SNX32: variants seen among roughly 807,000 people sequenced by gnomAD.
SNX32 encodes sorting nexin-32.
In SNX32, 58 loss-of-function variants were observed where a neutral mutation model predicts 57.0. The ratio of observed to expected loss-of-function variants is 1.02; its 90% confidence interval spans 0.82 to 1.27. The LOEUF (loss-of-function observed/expected upper bound fraction) is 1.27, where lower values mean the gene tolerates loss of function less well. Among genes scored for constraint, SNX32 ranks in the 50% most tolerant of loss-of-function variants. SNX32 has a pLI of 0.00. For synonymous variants in SNX32, 262 were observed against 220.4 expected, an observed-to-expected ratio of 1.19 and a Z score of -1.67; for missense variants, 589 against 541.2, an observed-to-expected ratio of 1.09 and a Z score of -0.88.
At chr11:65,839,625 T>C (rs1473163023) in intron 1 of SNX32, among the ~76,000 whole-genome samples, 1 of 128,332 alleles carries the variant, frequency 7.8e-6, no homozygotes, top group Non-Finnish European at 1.7e-5. Context: ...GATTATAGCA[T>C]GAGCCACCGC....
At chr11:65,839,217 TTTTTTGTA>T (rs1320334464) in intron 1 of SNX32, among the ~76,000 whole-genome samples, 7 of 18,876 alleles carry the variant, frequency 3.7e-4, no homozygotes, top group Middle Eastern at 0.019. Context: ...CCCAGCTAAT[TTTTTTGTA>T]TTTTTTTTTT....
intron 1 of SNX32, among the ~76,000 whole-genome samples, chr11:65,841,411 AT>A (rs1484889459): frequency 6.6e-6 from 1 of 151,508 alleles, no homozygotes; most frequent in African/African-American, 2.4e-5. Flanking sequence ...TAATTTTTGT[AT>A]TTTTTTGTAG....
rs1319366186 is a variant in SNX32 at position 65,851,057 on chromosome 11, G to A, written c.606G>A (p.Glu202=). 6.2e-7 allele frequency: 1 copy of A among 1,613,616 alleles called. No homozygotes were observed. The highest frequency in any genetic ancestry group is 1.7e-5 in the Admixed American group (1 of 60,028). The change falls in exon 7 of 13, where the codon GAG becomes GAA. Residue 202 remains glutamate (E), a splice_region_variant and synonymous_variant. Coordinates refer to ENST00000308342, the MANE Select transcript of SNX32 (RefSeq NM_152760.3). ...ALITGMSGLK[E]VDDFFEHERT... is the part of the protein sequence containing the mutation. ...GGGGTCCTGCCTGGCTCCCTTAGGAGGTGGATGACTTCTTTGAGCATGAGA... is the reference window on the plus strand; with the variant it reads ...GGGGTCCTGCCTGGCTCCCTTAGGAAGTGGATGACTTCTTTGAGCATGAGA...
chr11:65,850,597 T>A (rs1386135010), intron 5 of SNX32, 43 bp downstream of exon 5: 2 of 1,572,402 alleles, frequency 1.3e-6, no homozygotes, highest in African/African-American at 2.7e-5. Context: ...GGGCCAGGAG[T>A]CTACCTTGGG....
At chr11:65,834,644 ATCTGTGTGTGTC>A (rs1858608457) in intron 1 of SNX32, among the ~76,000 whole-genome samples, 1 of 140,526 alleles carries the variant, frequency 7.1e-6, no homozygotes, top group Non-Finnish European at 1.5e-5. Flanking sequence ...GCATGTATGC[ATCTGTGTGTGTC>A]TCTGTGTGTA....
At chr11:65,844,089 C>A (rs1213803205) in intron 1 of SNX32, among the ~76,000 whole-genome samples, 1 of 152,032 alleles carries the variant, frequency 6.6e-6, no homozygotes, top group East Asian at 1.9e-4. Flanking sequence ...GGTTTGTGCC[C>A]AGACTGATCT....
chr11:65,852,500 G>A lies in SNX32; in HGVS notation c.861G>A (p.Leu287=). Residue 287 remains leucine, a synonymous_variant, in exon 10 of 13, where the codon CTG becomes CTA. Transcript: ENST00000308342. ...GCCGGGTGGCTTCCGATGAGGACCT[G>A]AAGCTGTCAGACATGCTGAGGTACT... ...LEGRVASDED[L]KLSDMLRYYM... 6.2e-7 allele frequency: 1 copy of A among 1,614,246 alleles called. No homozygotes were observed. The highest frequency in any genetic ancestry group is 1.1e-5 in the South Asian group (1 of 91,088).
intron 1 of SNX32, among the ~76,000 whole-genome samples, chr11:65,848,012 A>T (rs951041577): frequency 5.3e-5 from 8 of 152,196 alleles, no homozygotes; most frequent in African/African-American, 1.9e-4. Context: ...AGGAGGGGAC[A>T]GATGCAGGGA....
In SNX32 at chr11:65,851,353, C is replaced by G. The variant is rs754175699; in HGVS notation, c.735C>G (p.Ile245Met). 1.9e-6 allele frequency: 3 copies of G among 1,614,164 alleles called. No homozygotes were observed. The highest frequency in any genetic ancestry group is 1.1e-5 in the South Asian group (1 of 91,082). The part of the protein sequence containing the change: ...HKCLADDYIP[I>M]SAALSSLGTQ... ...GCCTGGCAGACGATTATATCCCTATCTCAGCTGCGCTGAGCAGTCTGGGAA... is the reference window on the plus strand; with the variant it reads ...GCCTGGCAGACGATTATATCCCTATGTCAGCTGCGCTGAGCAGTCTGGGAA... The change falls in exon 8 of 13, where the codon ATC becomes ATG. Residue 245 changes from isoleucine to methionine, a missense_variant. Coordinates refer to ENST00000308342, the MANE Select transcript of SNX32 (RefSeq NM_152760.3).
intron 1 of SNX32, 82 bp from the exon 2 acceptor site, chr11:65,849,396 C>A (rs1214921845): frequency 9.7e-7 from 1 of 1,030,934 alleles, no homozygotes. Context: ...GAGGGTTCTG[C>A]AGGTGGATCA....
rs189344094 is a variant in SNX32 at position 65,851,024 on chromosome 11, G to C, written c.604-31G>C. On this transcript the variant is annotated intron_variant, in intron 6 of 12. Transcript: ENST00000308342. ...TGTTGTCAAGCCCCGTGGTGACCCA[G>C]TGTAAATGGGGTCCTGCCTGGCTCC... 4.1e-5 allele frequency: 66 copies of C among 1,591,282 alleles called. 1 individual carries two copies. The African/African-American group carries it at 7.1e-4, about 17-fold the overall frequency.
intron 1 of SNX32, among the ~76,000 whole-genome samples, chr11:65,841,260 G>A (rs1431692357): frequency 6.7e-6 from 1 of 148,362 alleles, no homozygotes; most frequent in East Asian, 2.0e-4. Flanking sequence ...ACAGTGTCCT[G>A]CACTGTCATC....
At position 65,849,568 on chromosome 11, in the gene SNX32, A is replaced by C; in HGVS notation, c.127A>C (p.Thr43Pro). ...GAGTGAGCGGGACAAGGTGAAATTC[A>C]CTGTTCAAACAAAGGTGAGGCAGTG... ...AVSERDKVKF[T>P]VQTKSCLPHF... The change falls in exon 2 of 13, where the codon ACT (threonine) becomes CCT (proline). Residue 43 changes from threonine (T) to proline (P), a missense_variant. Coordinates refer to ENST00000308342, the MANE Select transcript of SNX32 (RefSeq NM_152760.3). The C allele has an allele frequency of 6.2e-7, 1 of 1,614,166 alleles. No homozygotes were observed. The highest frequency in any genetic ancestry group is 8.5e-7 in the Non-Finnish European group (1 of 1,180,006).
chr11:65,840,803 C>CAAA (rs11375479), intron 1 of SNX32, among the ~76,000 whole-genome samples: 2 of 132,200 alleles, frequency 1.5e-5, no homozygotes, highest in Admixed American at 7.7e-5. Context: ...GACCCTGTCT[C>CAAA]AAAAAAAAAA....
chr11:65,850,761 G>C lies in SNX32; in HGVS notation c.509G>C (p.Arg170Pro), dbSNP rs150683093. The C allele has an allele frequency of 1.1e-5, 17 of 1,613,776 alleles. No individual in the cohort carries two copies. The highest frequency in any genetic ancestry group is 1.7e-5 in the Admixed American group (1 of 60,002). ...CCCTGTGTGCCTCAGCTGAGTGTCCGGGGGAAGAACAGGAAGGAGCTCCTC... is the reference window on the plus strand; with the variant it reads ...CCCTGTGTGCCTCAGCTGAGTGTCCCGGGGAAGAACAGGAAGGAGCTCCTC... ...FLEYGQDLSV[R>P]GKNRKELLGG... Residue 170 changes from arginine to proline, a missense_variant, in exon 6 of 13, where the codon CGG becomes CCG. By Grantham distance (103) the Arg-to-Pro change is moderately radical. Coordinates refer to ENST00000308342, the MANE Select transcript of SNX32 (RefSeq NM_152760.3).
At chr11:65,838,763 CAT>C (rs1467739942) in intron 1 of SNX32, among the ~76,000 whole-genome samples, 2 of 152,006 alleles carry the variant, frequency 1.3e-5, no homozygotes, top group African/African-American at 4.8e-5. Context: ...AAGACGAAAT[CAT>C]AGATTATATA....
At position 65,852,940 on chromosome 11, in the gene SNX32, G is replaced by A. The variant is rs765768834; in HGVS notation, c.1140G>A (p.Leu380=). Residue 380 remains leucine, a synonymous_variant, in exon 12 of 13, where the codon CTG becomes CTA. Transcript: ENST00000308342. The part of the protein sequence containing the change: ...FRKNLIELAE[L]ELKHAKASTL... ...AGAATCTCATTGAGCTGGCAGAGCT[G>A]GAGCTCAAACACGCCAAGGTGAGCC... 4 of 1,613,990 alleles carry A rather than the reference G, an allele frequency of 2.5e-6. No homozygotes were observed. Among genetic ancestry groups the A allele is most frequent in the African/African-American group, 1.3e-5 (1 of 74,908 alleles).
At chr11:65,837,453 A>G (rs1858697984) in intron 1 of SNX32, among the ~76,000 whole-genome samples, 1 of 152,152 alleles carries the variant, frequency 6.6e-6, no homozygotes, top group Non-Finnish European at 1.5e-5. Flanking sequence ...GTTTGAGGTT[A>G]CAGTGAGCTG....
rs138986044 is a variant in SNX32 at position 65,851,782 on chromosome 11, T to C, written c.825+103T>C. ...TCCAGGATCATCTTGGGTTCAGTGA[T>C]AACTTGGGCCCAGTGGCAAGTTGGG... On this transcript the variant is annotated intron_variant, in intron 9 of 12. Transcript: ENST00000308342. The C allele has an allele frequency of 3.3e-3, 4,448 of 1,353,966 alleles. 26 individuals carry two copies. Among genetic ancestry groups the C allele is most frequent in the Admixed American group, 8.5e-3 (486 of 57,344 alleles). The allele number at this position is 1,353,966 out of a possible 1,614,324, so 83.9% of individuals were successfully genotyped here. A position where few individuals can be genotyped will look rare whatever the true frequency, so the allele number is the denominator to read the frequency against.
Sources: allele counts gnomAD v4.1 joint callset (sites outside exome capture counted in the v4.1 genomes callset), GRCh38; gene constraint gnomAD v4.1.1; transcripts MANE v1.5; gene names NCBI Gene and HGNC (gene_info 2026-07-23, HGNC 2026-07-21).